The following CRACDL variants were observed in gnomAD, a reference collection of about 807,000 sequenced individuals.
The protein encoded by CRACDL is CRACD like, also known as CRACD-like protein.
Under a neutral mutation model 70.6 loss-of-function variants are expected in CRACDL, and 26 were observed. The observed-to-expected ratio is 0.37, with a 90% CI of 0.27 to 0.51. CRACDL has a LOEUF of 0.51. Among genes scored for constraint, CRACDL ranks in the 20% least tolerant of loss-of-function variants. The pLI, the probability that CRACDL is intolerant of heterozygous loss-of-function variation, is 0.94. For synonymous variants in CRACDL, 618 were observed against 615.2 expected, an observed-to-expected ratio of 1.00 and a Z score of -0.07; for missense variants, 1,283 against 1,376.9, an observed-to-expected ratio of 0.93 and a Z score of 1.08.
chr2:98,804,317 AAT>A (rs1438438774), intron 7 of CRACDL, among the ~76,000 whole-genome samples: 2 of 152,206 alleles, frequency 1.3e-5, no homozygotes, highest in African/African-American at 4.8e-5. Flanking sequence ...TCATTCAACA[AAT>A]AGAGTCAATC....
intron 1 of CRACDL, among the ~76,000 whole-genome samples, chr2:98,902,023 T>C (rs992743274): frequency 1.3e-5 from 2 of 151,738 alleles, no homozygotes; most frequent in Non-Finnish European, 2.9e-5. Flanking sequence ...GAGCCCCCCA[T>C]GCCAGGACAG....
At chr2:98,899,647 G>T (rs1708214663) in intron 1 of CRACDL, among the ~76,000 whole-genome samples, 1 of 152,216 alleles carries the variant, frequency 6.6e-6, no homozygotes, top group Non-Finnish European at 1.5e-5. Flanking sequence ...GAAAAAAAAA[G>T]GCATCTATGG....
chr2:98,803,957 A>G (rs142909504), intron 7 of CRACDL, among the ~76,000 whole-genome samples: 164 of 152,256 alleles, frequency 1.1e-3, no homozygotes, highest in African/African-American at 3.5e-3. Context: ...GGGCCACACC[A>G]CTGCGGCAGG....
chr2:98,846,248 C>T (rs12712036), intron 2 of CRACDL, among the ~76,000 whole-genome samples: 68,694 of 151,966 alleles, frequency 0.45, 16,629 homozygotes, highest in African/African-American at 0.63. Context: ...GGGCCTAGAA[C>T]TCAGCTCAGC....
chr2:98,875,075 A>G (rs555961280), intron 1 of CRACDL, among the ~76,000 whole-genome samples: 8 of 152,346 alleles, frequency 5.3e-5, no homozygotes, highest in African/African-American at 1.9e-4. Context: ...TAAGCATCTT[A>G]TGAGATCAAA....
chr2:98,917,545 A>G (rs1708696241), intron 1 of CRACDL, among the ~76,000 whole-genome samples: 1 of 152,348 alleles, frequency 6.6e-6, no homozygotes, highest in African/African-American at 2.4e-5. Flanking sequence ...ATTTAATAGC[A>G]AAAAATAGTA....
chr2:98,861,979 CATT>C, intron 1 of CRACDL, among the ~76,000 whole-genome samples: 1 of 152,298 alleles, frequency 6.6e-6, no homozygotes, highest in Admixed American at 6.5e-5. Context: ...AGGTGGCAGC[CATT>C]GTTGTTGCAC....
chr2:98,931,064 C>A (rs1709060666), intron 1 of CRACDL, among the ~76,000 whole-genome samples: 1 of 152,168 alleles, frequency 6.6e-6, no homozygotes, highest in East Asian at 1.9e-4. Context: ...GTGGCTTACG[C>A]CTGTAATCCC....
intron 8 of CRACDL, 91 bp downstream of exon 8, chr2:98,797,259 C>T: frequency 2.5e-6 from 3 of 1,208,548 alleles, no homozygotes; most frequent in Non-Finnish European, 3.5e-6. Flanking sequence ...GACGCCCATG[C>T]AGCACATGTG....
intron 1 of CRACDL, among the ~76,000 whole-genome samples, chr2:98,876,310 TAGACA>T (rs1707487141): frequency 6.6e-6 from 1 of 152,206 alleles, no homozygotes; most frequent in Admixed American, 6.5e-5. Flanking sequence ...AAAAAGAGTT[TAGACA>T]AGCAGCATGA....
Position 98,823,012 on chromosome 2 carries a change from T to G in CRACDL, c.1261A>C (p.Thr421Pro). Reference sequence around the variant, plus strand: ...TCGCGAGCAGAGGGCGCCTCTGAGGTGGCGGCGGGGTCAGTCTCGGGGGGA... The same window carrying G: ...TCGCGAGCAGAGGGCGCCTCTGAGGGGGCGGCGGGGTCAGTCTCGGGGGGA... ...TTPPETDPAA[T>P]SEAPSARDGP... is the part of the protein sequence containing the mutation. The change falls in exon 7 of 10, where the codon ACC becomes CCC. Residue 421 changes from threonine (T) to proline (P), a missense_variant. Coordinates refer to ENST00000397899, the MANE Select transcript of CRACDL (RefSeq NM_207362.3). This position sits in a 1 kb window ranked among gnomAD's most constrained non-coding sequence, Gnocchi z 4.0. The G allele has an allele frequency of 6.6e-7, 1 of 1,512,842 alleles. No individual in the cohort carries two copies. Among genetic ancestry groups the G allele is most frequent in the South Asian group, 1.2e-5 (1 of 81,606 alleles). 93.7% of individuals were successfully genotyped at this position (1,512,842 alleles called of 1,614,324 possible). A position where few individuals can be genotyped will look rare whatever the true frequency, so the allele number is the denominator to read the frequency against.
At chr2:98,861,668 T>C (rs1706941912) in intron 1 of CRACDL, among the ~76,000 whole-genome samples, 2 of 152,214 alleles carry the variant, frequency 1.3e-5, no homozygotes, top group Middle Eastern at 3.2e-3. Flanking sequence ...TCCCCACTGT[T>C]TCTGCTAGTG....
At chr2:98,917,905 A>C (rs1011856878) in intron 1 of CRACDL, among the ~76,000 whole-genome samples, 21 of 152,234 alleles carry the variant, frequency 1.4e-4, no homozygotes, top group African/African-American at 2.4e-5. Flanking sequence ...ATTTCACTTA[A>C]GATAATGGCC....
rs968178518 is a variant in CRACDL at position 98,822,233 on chromosome 2, G to A, written c.2040C>T (p.Asn680=). 1.2e-6 allele frequency: 2 copies of A among 1,604,780 alleles called. No homozygotes were observed. The highest frequency in any genetic ancestry group is 1.7e-6 in the Non-Finnish European group (2 of 1,178,882). ...AQEPAPSEDR[N]PFPVKLRSTS... ...TGGACCGGAGCTTGACGGGGAAGGG[G>A]TTTCTGTCCTCACTCGGGGCCGGCT... Residue 680 remains asparagine, a synonymous_variant, in exon 7 of 10, where the codon AAC becomes AAT. Transcript: ENST00000397899. This position sits in a 1 kb window ranked among gnomAD's most constrained non-coding sequence, Gnocchi z 4.9.
chr2:98,922,296 C>T (rs982777206), intron 1 of CRACDL, among the ~76,000 whole-genome samples: 42 of 151,806 alleles, frequency 2.8e-4, no homozygotes, highest in East Asian at 1.9e-4. Context: ...ACCCATGCAC[C>T]GGGCATGGTG....
intron 1 of CRACDL, among the ~76,000 whole-genome samples, chr2:98,877,981 C>A (rs1707532379): frequency 7.0e-6 from 1 of 143,476 alleles, no homozygotes; most frequent in Non-Finnish European, 1.5e-5. Flanking sequence ...GAGTTTCACT[C>A]TTTTGCCCAG....
chr2:98,909,573 G>A (rs1390643478), intron 1 of CRACDL, among the ~76,000 whole-genome samples: 3 of 152,130 alleles, frequency 2.0e-5, no homozygotes, highest in South Asian at 2.1e-4. Flanking sequence ...TGCAGGACGC[G>A]AGCAAACACT....
chr2:98,903,940 T>G (rs546788388), intron 1 of CRACDL, among the ~76,000 whole-genome samples: 1 of 152,334 alleles, frequency 6.6e-6, no homozygotes, highest in South Asian at 2.1e-4. Flanking sequence ...GTGACGCTCC[T>G]TTGTCTGATC....
In CRACDL at chr2:98,927,851, T is replaced by C. The variant is rs149009561; in HGVS notation, c.-11+8087A>G. Among the ~76,000 whole-genome samples, 5 of 152,104 alleles carry C rather than the reference T, an allele frequency of 3.3e-5. No homozygotes were observed. In the South Asian group the frequency reaches 6.2e-4, roughly 19 times the overall value. ...AAGAATATCTAATAATCTAGTAGTG[T>C]GGAAAAGAGGCTCAACTTGTACCAT... is the stretch of plus-strand genomic sequence containing the variant. On this transcript the variant is annotated intron_variant, in intron 1 of 9. Coordinates refer to ENST00000397899, the MANE Select transcript of CRACDL (RefSeq NM_207362.3).
Sources: allele counts gnomAD v4.1 joint callset (sites outside exome capture counted in the v4.1 genomes callset), GRCh38; gene constraint gnomAD v4.1.1; non-coding constraint Gnocchi (gnomAD v3.1); transcripts MANE v1.5; gene names NCBI Gene and HGNC (gene_info 2026-07-23, HGNC 2026-07-21).